TENT2: variants seen among roughly 807,000 people sequenced by gnomAD.
The protein encoded by TENT2 is poly(A) RNA polymerase GLD2.
Under a neutral mutation model 72.2 loss-of-function variants are expected in TENT2, and 44 were observed. That is an observed-to-expected ratio of 0.61 (90% CI 0.48 to 0.78). TENT2 has a LOEUF of 0.78. Among genes scored for constraint, TENT2 ranks in the 30% least tolerant of loss-of-function variants. TENT2 has a pLI of 0.00. For synonymous variants in TENT2, 212 were observed against 192.5 expected, an observed-to-expected ratio of 1.10 and a Z score of -0.84; for missense variants, 541 against 569.6, an observed-to-expected ratio of 0.95 and a Z score of 0.51.
At chr5:79,630,841 G>A (rs1455526503) in intron 4 of TENT2, among the ~76,000 whole-genome samples, 2 of 150,388 alleles carry the variant, frequency 1.3e-5, no homozygotes, top group African/African-American at 2.5e-5. Flanking sequence ...TTTAATGCAG[G>A]GGACAGATGA....
In TENT2 at chr5:79,613,003, C is replaced by T. The variant is rs1367159470; in HGVS notation, c.-110C>T. 1.3e-5 allele frequency: 2 copies of T among 152,220 alleles called. No individual in the cohort carries two copies. Among genetic ancestry groups the T allele is most frequent in the African/African-American group, 4.8e-5 (2 of 41,434 alleles). 9.4% of individuals were successfully genotyped at this position (152,220 alleles called of 1,614,324 possible). On this transcript the variant is annotated 5_prime_UTR_variant, in exon 1 of 15. Coordinates refer to ENST00000453514, the MANE Select transcript of TENT2 (RefSeq NM_001114394.3). The stretch of plus-strand genomic sequence containing the variant: ...ATTCCTCGCGTACTGCCTCGTCCAC[C>T]ACTCCAGGACCAAAAGAGGAAGATA...
intron 1 of TENT2, 59 bp downstream of exon 1, chr5:79,613,134 A>C (rs1204946681): frequency 6.6e-6 from 1 of 152,194 alleles, no homozygotes; most frequent in African/African-American, 2.4e-5. Context: ...GCCTTAATTA[A>C]ATGGCATGAA....
intron 1 of TENT2, among the ~76,000 whole-genome samples, chr5:79,616,186 CTAAT>C (rs1759776362): frequency 7.2e-6 from 1 of 139,192 alleles, no homozygotes. Context: ...TGCACCCGGC[CTAAT>C]TTTTTTTTTT....
chr5:79,683,039 AAGTATTGAGGC>A (rs947106802), intron 14 of TENT2, among the ~76,000 whole-genome samples: 51 of 152,270 alleles, frequency 3.3e-4, no homozygotes, highest in Non-Finnish European at 6.8e-4. Flanking sequence ...TTTAAAATGC[AAGTATTGAGGC>A]ATGAGTATCA....
At chr5:79,646,509 A>C (rs1789149475) in intron 8 of TENT2, among the ~76,000 whole-genome samples, 1 of 152,224 alleles carries the variant, frequency 6.6e-6, no homozygotes, top group Non-Finnish European at 1.5e-5. Context: ...TATTTTAAAC[A>C]AACTTTAATG....
At chr5:79,670,026 C>G (rs557057632) in intron 12 of TENT2, among the ~76,000 whole-genome samples, 74 of 151,784 alleles carry the variant, frequency 4.9e-4, no homozygotes, top group African/African-American at 1.8e-3. Context: ...TCGAGACCAG[C>G]CAGACCAACA....
chr5:79,619,591 T>C, intron 1 of TENT2, 21 bp from the exon 2 acceptor site: 1 of 1,491,760 alleles, frequency 6.7e-7, no homozygotes, highest in South Asian at 1.3e-5. Context: ...AATTTAATAT[T>C]GTCTTTTTAA....
intron 3 of TENT2, 152 bp from the exon 4 acceptor site, chr5:79,623,100 A>G (rs576563931): frequency 1.9e-6 from 1 of 521,466 alleles, no homozygotes; most frequent in African/African-American, 1.9e-5. Context: ...GAACATGAAT[A>G]TTTTTAAGAT....
chr5:79,633,123 G>A (rs1159193895), intron 4 of TENT2, among the ~76,000 whole-genome samples: 1 of 152,182 alleles, frequency 6.6e-6, no homozygotes. Context: ...AATTTGATGG[G>A]AAAGGGAATT....
At chr5:79,640,821 A>T in intron 4 of TENT2, 30 bp from the exon 5 acceptor site, 1 of 1,467,088 alleles carries the variant, frequency 6.8e-7, no homozygotes. Context: ...GCTGAACAAA[A>T]CTTTTACTTT....
At chr5:79,672,450 C>T (rs1413885213) in intron 12 of TENT2, among the ~76,000 whole-genome samples, 1 of 152,194 alleles carries the variant, frequency 6.6e-6, no homozygotes, top group African/African-American at 2.4e-5. Flanking sequence ...CCCACTTCCG[C>T]CTCTCCCTGC....
At chr5:79,675,124 CA>C (rs1165743132) in intron 12 of TENT2, among the ~76,000 whole-genome samples, 1 of 151,910 alleles carries the variant, frequency 6.6e-6, no homozygotes, top group Admixed American at 6.6e-5. Flanking sequence ...AAGTGGAGTC[CA>C]GTTTTTGTTT....
rs1580428446 is a variant in TENT2 at position 79,648,668 on chromosome 5, A to G, written c.873A>G (p.Thr291=). The G allele has an allele frequency of 6.3e-6, 10 of 1,597,924 alleles. No homozygotes were observed. The South Asian group carries it at 9.2e-5, about 15-fold the overall frequency. The change falls in exon 9 of 15, where the codon ACA becomes ACG. Residue 291 remains threonine, a synonymous_variant. Coordinates refer to ENST00000453514, the MANE Select transcript of TENT2 (RefSeq NM_001114394.3). ...ACAATATTGTTGGAATAAGAAACAC[A>G]TTCCTTCTCAGAACTTATGCATACC... ...NVNNIVGIRN[T]FLLRTYAYLE...
Position 79,659,554 on chromosome 5 carries a change from ATGTATATATATAT to A in TENT2, c.1071+2554_1071+2566del, listed in dbSNP as rs1378721894. ...CTCAAAAAAAAAAAAAAAAAAAAAA[ATGTATATATATAT>A]ATATATATATATATATATATATATA... is the stretch of plus-strand genomic sequence containing the variant. On this transcript the variant is annotated intron_variant, in intron 11 of 14. Transcript: ENST00000453514. Among the ~76,000 whole-genome samples the A allele has an allele frequency of 5.3e-4, 25 of 47,288 alleles. No individual in the cohort carries two copies. In the East Asian group the frequency reaches 5.6e-3, roughly 11 times the overall value. 31.0% of individuals were successfully genotyped at this position (47,288 alleles called of 152,430 possible).
intron 14 of TENT2, among the ~76,000 whole-genome samples, chr5:79,683,923 C>CAAAAAAAAAAA (rs761567083): frequency 9.6e-5 from 4 of 41,558 alleles, no homozygotes; most frequent in Non-Finnish European, 5.2e-5. Flanking sequence ...GACTCCGTCT[C>CAAAAAAAAAAA]AAAAAAAAAA....
At chr5:79,629,629 C>A (rs895253135) in intron 4 of TENT2, among the ~76,000 whole-genome samples, 1 of 148,378 alleles carries the variant, frequency 6.7e-6, no homozygotes, top group Admixed American at 6.8e-5. Flanking sequence ...AGATCGAGAC[C>A]ATCCTGGCTA....
In TENT2 at chr5:79,685,533, T is replaced by A; in HGVS notation, c.*260T>A. 3.8e-6 allele frequency: 1 copy of A among 262,294 alleles called. No individual in the cohort carries two copies. Among genetic ancestry groups the A allele is most frequent in the Non-Finnish European group, 6.9e-6 (1 of 144,958 alleles). The allele number at this position is 262,294 out of a possible 1,614,324, so 16.2% of individuals were successfully genotyped here. On this transcript the variant is annotated 3_prime_UTR_variant, in exon 15 of 15. Transcript: ENST00000453514. Reference sequence around the variant, plus strand: ...TGTTTTCAGGTGATCAGATAAAATATATTTTGGGAAATTAACTGAACAAAT... The same window carrying A: ...TGTTTTCAGGTGATCAGATAAAATAAATTTTGGGAAATTAACTGAACAAAT...
At chr5:79,640,111 C>G (rs1328882472) in intron 4 of TENT2, among the ~76,000 whole-genome samples, 1 of 152,106 alleles carries the variant, frequency 6.6e-6, no homozygotes, top group Non-Finnish European at 1.5e-5. Flanking sequence ...GAAAAATTAG[C>G]TGGGTGTGGT....
intron 12 of TENT2, 151 bp downstream of exon 12, chr5:79,669,179 G>A (rs887640186): frequency 5.1e-6 from 5 of 975,286 alleles, no homozygotes; most frequent in Non-Finnish European, 7.2e-6. Flanking sequence ...GTCCAGAAAT[G>A]TATAGTTTAT....
Sources: allele counts gnomAD v4.1 joint callset (sites outside exome capture counted in the v4.1 genomes callset), GRCh38; gene constraint gnomAD v4.1.1; transcripts MANE v1.5; gene names NCBI Gene and HGNC (gene_info 2026-07-23, HGNC 2026-07-21).